Variants in ZDBF2 observed in about 807,000 individuals in gnomAD.
The protein encoded by ZDBF2 is DBF4-type zinc finger-containing protein 2.
ZDBF2 carries 6 observed loss-of-function variants against 9.4 expected under a neutral mutation model. The observed-to-expected ratio is 0.64, with a 90% confidence interval of 0.35 to 1.27. The LOEUF is 1.27. Ranked by LOEUF, ZDBF2 falls within the 50% of genes most tolerant of loss-of-function variation. The probability of loss-of-function intolerance (pLI) is 0.03; values close to 1 mark genes in which losing one functional copy is unlikely to be tolerated. For synonymous variants in ZDBF2, 905 were observed against 946.3 expected (o/e 0.96, Z 0.80); for missense variants, 2,697 against 2,766.8 (o/e 0.97, Z 0.57).
rs774839472 is a variant in ZDBF2 at position 206,311,312 on chromosome 2, G to A, written c.6784G>A (p.Ala2262Thr). 1 of 1,605,504 alleles carries A rather than the reference G, an allele frequency of 6.2e-7. No homozygotes were observed. Among genetic ancestry groups the A allele is most frequent in the Admixed American group, 1.7e-5 (1 of 58,498 alleles). ...KKSVVSRLKKAKRTAKVLLNS... is the reference protein window; with the variant it reads ...KKSVVSRLKKTKRTAKVLLNS... ...ATCTGTTGTCAGTAGGCTAAAGAAG[G>A]CGAAGAGAACAGCTAAAGTGCTTTT... The change falls in exon 5 of 5, where the codon GCG (alanine) becomes ACG (threonine). Residue 2262 changes from alanine to threonine, a missense_variant. Around this residue, in one of 3 missense-constraint regions of ZDBF2, gnomAD observed 1,783 missense variants for 1,776.5 expected, o/e 1.00. Transcript: ENST00000374423.
Position 206,309,377 on chromosome 2 carries a change from A to G in ZDBF2, c.4849A>G (p.Ser1617Gly), listed in dbSNP as rs747827175. The G allele has an allele frequency of 6.2e-7, 1 of 1,613,720 alleles. No individual in the cohort carries two copies. The highest frequency in any genetic ancestry group is 1.3e-5 in the African/African-American group (1 of 75,062). ...KKDYIILGEP[S>G]CQSCGSEMNF... ...GGACTATATTATTCTGGGAGAGCCA[A>G]GTTGTCAATCTTGTGGTTCTGAAAT... The change falls in exon 5 of 5, where the codon AGT (serine) becomes GGT (glycine). Residue 1617 changes from serine (S) to glycine (G), a missense_variant. Around this residue, in one of 3 missense-constraint regions of ZDBF2, gnomAD observed 1,783 missense variants for 1,776.5 expected, o/e 1.00. Coordinates refer to ENST00000374423, the MANE Select transcript of ZDBF2 (RefSeq NM_020923.3).
At chr2:206,298,513 GT>G (rs569316803) in intron 4 of ZDBF2, among the ~76,000 whole-genome samples, 2 of 151,912 alleles carry the variant, frequency 1.3e-5, no homozygotes, top group Admixed American at 6.5e-5. Context: ...AAATTTCCAG[GT>G]TTTTTTTGTT....
At chr2:206,276,795 G>C (rs150512251) in intron 1 of ZDBF2, among the ~76,000 whole-genome samples, 38 of 152,304 alleles carry the variant, frequency 2.5e-4, no homozygotes, top group African/African-American at 9.1e-4. Context: ...TTGACAGAGC[G>C]CCTGGCTCAG....
Position 206,308,075 on chromosome 2 carries a change from G to C in ZDBF2, c.3547G>C (p.Glu1183Gln). 6.2e-7 allele frequency: 1 copy of C among 1,613,930 alleles called. No individual in the cohort carries two copies. The highest frequency in any genetic ancestry group is 8.5e-7 in the Non-Finnish European group (1 of 1,179,860). ...ACCTCAAATAACTATTTTGGAGCAG[G>C]AGCACATTGAACTAGAAGGTAAGCA... ...NRPQITILEQ[E>Q]HIELEGKHNQ... The change falls in exon 5 of 5, where the codon GAG (glutamate) becomes CAG (glutamine). Residue 1183 changes from glutamate to glutamine, a missense_variant. Glu to Gln is a conservative substitution (Grantham distance 29). Coordinates refer to ENST00000374423, the MANE Select transcript of ZDBF2 (RefSeq NM_020923.3).
Position 206,304,947 on chromosome 2 carries a change from A to T in ZDBF2, c.419A>T (p.Lys140Ile), listed in dbSNP as rs747060925. ...EVSVRPSVIQ[K>I]LEKGQQQPLE... Reference sequence around the variant, plus strand: ...TCAGTTCGACCATCAGTTATTCAAAAACTGGAGAAGGGACAGCAGCAGCCC... The same window carrying T: ...TCAGTTCGACCATCAGTTATTCAAATACTGGAGAAGGGACAGCAGCAGCCC... Residue 140 changes from lysine (K) to isoleucine (I), a missense_variant, in exon 5 of 5, where the codon AAA becomes ATA. Around this residue, in one of 3 missense-constraint regions of ZDBF2, gnomAD observed 910 missense variants for 973.6 expected, o/e 0.93. Coordinates refer to ENST00000374423, the MANE Select transcript of ZDBF2 (RefSeq NM_020923.3). The T allele has an allele frequency of 8.1e-6, 13 of 1,613,680 alleles. No homozygotes were observed. The South Asian group carries it at 1.4e-4, about 18-fold the overall frequency.
Position 206,307,233 on chromosome 2 carries a change from T to C in ZDBF2, c.2705T>C (p.Val902Ala). 6.2e-7 allele frequency: 1 copy of C among 1,607,798 alleles called. No homozygotes were observed. Among genetic ancestry groups the C allele is most frequent in the East Asian group, 2.2e-5 (1 of 44,856 alleles). The change falls in exon 5 of 5, where the codon GTA (valine) becomes GCA (alanine). Residue 902 changes from valine to alanine, a missense_variant. This residue lies in a region of ZDBF2 where 1,783 missense variants were observed against 1,776.5 expected (regional missense o/e 1.00). Transcript: ENST00000374423. ...KKLNPQKEEQ[V>A]HLENKENEPI... ...CTAAATCCTCAAAAAGAAGAGCAGG[T>C]ACACTTAGAAAATAAGGAAAATGAA...
intron 3 of ZDBF2, among the ~76,000 whole-genome samples, chr2:206,294,379 A>C (rs1692058146): frequency 6.6e-6 from 1 of 152,240 alleles, no homozygotes. Context: ...CAAAAAATCT[A>C]AAGGAACGGA....
rs1293301490 is a variant in ZDBF2, at chr2:206,274,676, G to A, written c.-373G>A. On this transcript the variant is annotated 5_prime_UTR_variant, in exon 1 of 5. Coordinates refer to ENST00000374423, the MANE Select transcript of ZDBF2 (RefSeq NM_020923.3). Reference sequence around the variant, plus strand: ...TTCCCTGACGTCAAACCTCCATCAGGGTTGCAACGCCACGTTGCCTTGGAT... The same window carrying A: ...TTCCCTGACGTCAAACCTCCATCAGAGTTGCAACGCCACGTTGCCTTGGAT... 1 of 152,244 alleles carries A rather than the reference G, an allele frequency of 6.6e-6. No individual in the cohort carries two copies. Among genetic ancestry groups the A allele is most frequent in the African/African-American group, 2.4e-5 (1 of 41,470 alleles). The allele number at this position is 152,244 out of a possible 1,614,324, so 9.4% of individuals were successfully genotyped here.
At chr2:206,290,603 A>T (rs1278955997) in intron 3 of ZDBF2, among the ~76,000 whole-genome samples, 1 of 152,108 alleles carries the variant, frequency 6.6e-6, no homozygotes, top group Non-Finnish European at 1.5e-5. Flanking sequence ...ATTCTTTTTG[A>T]TGCTATTGTA....
intron 3 of ZDBF2, among the ~76,000 whole-genome samples, chr2:206,288,769 C>G (rs1691730969): frequency 6.6e-6 from 1 of 152,108 alleles, no homozygotes; most frequent in Non-Finnish European, 1.5e-5. Flanking sequence ...GGGCAGGGCA[C>G]AGCACTGACC....
intron 3 of ZDBF2, among the ~76,000 whole-genome samples, chr2:206,286,190 ATCT>A (rs1691589816): frequency 6.6e-6 from 1 of 152,172 alleles, no homozygotes; most frequent in African/African-American, 2.4e-5. Flanking sequence ...GTTGGTTGAA[ATCT>A]TCTGTAAATA....
chr2:206,290,806 CT>C (rs1404604247), intron 3 of ZDBF2, among the ~76,000 whole-genome samples: 1 of 152,230 alleles, frequency 6.6e-6, no homozygotes, highest in South Asian at 2.1e-4. Flanking sequence ...AGTTTTACTA[CT>C]TTTTTCCCCA....
chr2:206,288,236 A>C (rs1169294093), intron 3 of ZDBF2, among the ~76,000 whole-genome samples: 1 of 152,114 alleles, frequency 6.6e-6, no homozygotes, highest in Non-Finnish European at 1.5e-5. Context: ...TTTTACCTGC[A>C]GTTGGGCTTT....
At chr2:206,283,330 A>G (rs1691420639) in intron 3 of ZDBF2, among the ~76,000 whole-genome samples, 1 of 151,818 alleles carries the variant, frequency 6.6e-6, no homozygotes, top group Non-Finnish European at 1.5e-5. Flanking sequence ...CCAGCAATGT[A>G]TGAGGGTTCC....
At chr2:206,297,501 T>C (rs986284847) in intron 4 of ZDBF2, 128 bp downstream of exon 4, 58 of 924,446 alleles carry the variant, frequency 6.3e-5, no homozygotes, top group Non-Finnish European at 8.7e-5. Context: ...TTTTAGTAAC[T>C]TTCATTTGCA....
intron 4 of ZDBF2, among the ~76,000 whole-genome samples, chr2:206,300,819 T>C (rs1319708944): frequency 2.6e-5 from 4 of 152,248 alleles, no homozygotes; most frequent in Non-Finnish European, 5.9e-5. Context: ...TTAATACTTA[T>C]TTATATCATT....
In ZDBF2 at chr2:206,307,801, T is replaced by TA. The variant is rs765952396; in HGVS notation, c.3280dup (p.Ile1094AsnfsTer14). On this transcript the variant is annotated frameshift_variant, in exon 5 of 5. Coordinates refer to ENST00000374423, the MANE Select transcript of ZDBF2 (RefSeq NM_020923.3). LOFTEE classifies it low-confidence loss of function (END_TRUNC). ...ATTCTGAACAACTTCAGGAAGCGGT[T>TA]AAAAAAATAGACCAATGGAAGGAAG... is the stretch of plus-strand genomic sequence containing the variant. The TA allele has an allele frequency of 1.2e-6, 2 of 1,610,076 alleles. No individual in the cohort carries two copies. Among genetic ancestry groups the TA allele is most frequent in the Non-Finnish European group, 1.7e-6 (2 of 1,178,882 alleles).
chr2:206,309,722 C>T lies in ZDBF2; in HGVS notation c.5194C>T (p.Leu1732=). ...GGCTGATAAAAAAAAACGTTCGAAG[C>T]TAAAACATAGAGATCTAGAAGTGAG... ...RRADKKKRSK[L]KHRDLEVSCE... Residue 1732 remains leucine, a synonymous_variant, in exon 5 of 5, where the codon CTA becomes TTA. Transcript: ENST00000374423. The T allele has an allele frequency of 1.2e-6, 2 of 1,613,812 alleles. No homozygotes were observed. Among genetic ancestry groups the T allele is most frequent in the South Asian group, 2.2e-5 (2 of 91,066 alleles).
chr2:206,299,890 C>T (rs1254960686), intron 4 of ZDBF2, among the ~76,000 whole-genome samples: 1 of 151,830 alleles, frequency 6.6e-6, no homozygotes, highest in Non-Finnish European at 1.5e-5. Flanking sequence ...GGCGGATCAC[C>T]TGAGGTCGGG....
Sources: allele counts gnomAD v4.1 joint callset (sites outside exome capture counted in the v4.1 genomes callset), GRCh38; gene constraint gnomAD v4.1.1; regional missense constraint gnomAD v4.1.1; transcripts MANE v1.5; gene names NCBI Gene and HGNC (gene_info 2026-07-23, HGNC 2026-07-21).